The following APC2 variants were observed in gnomAD, a reference collection of about 807,000 sequenced individuals.
APC2 encodes adenomatous polyposis coli protein 2.
APC2 carries 41 observed loss-of-function variants against 72.5 expected under a neutral mutation model. The ratio of observed to expected loss-of-function variants is 0.57; its 90% CI spans 0.44 to 0.73. The LOEUF (loss-of-function observed/expected upper bound fraction) is 0.73. APC2 is among the 30% of genes least tolerant of loss of function. The pLI is 0.00. For synonymous variants in APC2, 1,898 were observed against 1,612.0 expected (o/e 1.18, Z -4.25); for missense variants, 3,729 against 3,403.4 (o/e 1.10, Z -2.38).
Position 1,456,930 on chromosome 19 carries a change from G to C in APC2, c.894G>C (p.Met298Ile). ...QEDTARTLLAMSSSPESCVAM... is the reference protein window; with the variant it reads ...QEDTARTLLAISSSPESCVAM... ...ATACAGCGCGCACGCTGCTGGCCAT[G>C]TCCAGCTCGCCCGAGAGCTGCGTGG... is the stretch of plus-strand genomic sequence containing the variant. The change falls in exon 9 of 15, where the codon ATG (methionine) becomes ATC (isoleucine). Residue 298 changes from methionine (M) to isoleucine (I), a missense_variant. Physicochemically the swap from Met to Ile is conservative, Grantham distance 10. Transcript: ENST00000590469. 2 of 1,563,646 alleles carry C rather than the reference G, an allele frequency of 1.3e-6. No homozygotes were observed. The highest frequency in any genetic ancestry group is 1.7e-6 in the Non-Finnish European group (2 of 1,162,844).
At chr19:1,447,483 G>A (rs2083698067), upstream of APC2, among the ~76,000 whole-genome samples, 1 of 152,140 alleles carries the variant, frequency 6.6e-6, no homozygotes, top group Non-Finnish European at 1.5e-5. Flanking sequence ...ACCCCAGGGA[G>A]GAGCCTAGGT....
rs1182501304 is a variant in APC2, at chr19:1,466,937, G to C, written c.3636G>C (p.Lys1212Asn). 6.3e-7 allele frequency: 1 copy of C among 1,599,402 alleles called. No individual in the cohort carries two copies. The highest frequency in any genetic ancestry group is 8.5e-7 in the Non-Finnish European group (1 of 1,173,546). Residue 1212 changes from lysine (K) to asparagine (N), a missense_variant, in exon 15 of 15, where the codon AAG becomes AAC. Transcript: ENST00000590469. ...PGQTMPPSRS[K>N]TPPLAPAPQG... ...AGACCATGCCTCCCAGCCGGAGCAA[G>C]ACGCCACCGCTGGCGCCCGCGCCAC...
Position 1,465,669 on chromosome 19 carries a change from G to A in APC2, c.2368G>A (p.Ala790Thr), listed in dbSNP as rs766566087. Residue 790 changes from alanine to threonine, a missense_variant, in exon 15 of 15, where the codon GCC becomes ACC. Ala to Thr is a moderately conservative substitution (Grantham distance 58). Transcript: ENST00000590469. Reference protein sequence around the residue: ...DDDAPSSLAAAAATGEPASPA... With the variant: ...DDDAPSSLAATAATGEPASPA... Reference sequence around the variant, plus strand: ...CGATGCACCGTCATCCCTGGCTGCGGCCGCGGCCACCGGGGAGCCAGCCAG... The same window carrying A: ...CGATGCACCGTCATCCCTGGCTGCGACCGCGGCCACCGGGGAGCCAGCCAG... 3.9e-5 allele frequency: 63 copies of A among 1,597,982 alleles called. No individual in the cohort carries two copies. The highest frequency in any genetic ancestry group is 3.3e-4 in the Middle Eastern group (2 of 6,064).
Position 1,453,706 on chromosome 19 carries a change from T to C in APC2, c.413+95T>C, listed in dbSNP as rs12985827. 0.61 allele frequency: 883,648 copies of C among 1,445,990 alleles called. 271,451 individuals carry two copies. The highest frequency in any genetic ancestry group is 0.73 in the East Asian group (29,327 of 40,202). The allele number at this position is 1,445,990 out of a possible 1,614,324, so 89.6% of individuals were successfully genotyped here. A position where few individuals can be genotyped will look rare whatever the true frequency, so the allele number is the denominator to read the frequency against. ...TAATTCGCCCACCCGCATATGTCTC[T>C]GCCCACACCTCACACGCCCCACCCA... On this transcript the variant is annotated intron_variant, in intron 4 of 14. Coordinates refer to ENST00000590469, the MANE Select transcript of APC2 (RefSeq NM_005883.3).
Position 1,467,228 on chromosome 19 carries a change from G to A in APC2, c.3927G>A (p.Gly1309=). 7.3e-7 allele frequency: 1 copy of A among 1,370,974 alleles called. No individual in the cohort carries two copies. The highest frequency in any genetic ancestry group is 2.8e-5 in the East Asian group (1 of 36,000). 84.9% of individuals were successfully genotyped at this position (1,370,974 alleles called of 1,614,324 possible). A position where few individuals can be genotyped will look rare whatever the true frequency, so the allele number is the denominator to read the frequency against. The part of the protein sequence containing the change: ...SACPERGGGA[G]GAGLHFAGHR... The stretch of plus-strand genomic sequence containing the variant: ...GCCCCGAGCGCGGCGGGGGCGCCGG[G>A]GGCGCCGGCCTCCACTTTGCAGGGC... Residue 1309 remains glycine (G), a synonymous_variant, in exon 15 of 15, where the codon GGG becomes GGA. Transcript: ENST00000590469.
At position 1,468,587 on chromosome 19, in the gene APC2, C is replaced by A. The variant is rs773276070; in HGVS notation, c.5286C>A (p.Ser1762Arg). The A allele has an allele frequency of 5.0e-6, 8 of 1,598,660 alleles. No homozygotes were observed. The East Asian group carries it at 1.6e-4, about 31-fold the overall frequency. The change falls in exon 15 of 15, where the codon AGC (serine) becomes AGA (arginine). Residue 1762 changes from serine (S) to arginine (R), a missense_variant. By Grantham distance (110) the Ser-to-Arg change is moderately radical. Coordinates refer to ENST00000590469, the MANE Select transcript of APC2 (RefSeq NM_005883.3). ...GGGGCGCAGCCTCAGTCAAGACCAG[C>A]GGGAGCCCCCGTTCCCCTGCAGGCC... Reference protein sequence around the residue: ...EKRGAASVKTSGSPRSPAGPE... With the variant: ...EKRGAASVKTRGSPRSPAGPE...
chr19:1,448,544 TAAAAAA>T (rs547873034), upstream of APC2, among the ~76,000 whole-genome samples: 3 of 82,706 alleles, frequency 3.6e-5, no homozygotes, highest in Admixed American at 1.4e-4. Flanking sequence ...AGACCCCATC[TAAAAAA>T]AAAAAAAAAA....
intron 13 of APC2, chr19:1,461,438 G>A (rs561560150): frequency 4.0e-4 from 195 of 492,016 alleles, no homozygotes; most frequent in Middle Eastern, 3.3e-3. Flanking sequence ...GCGTGGCAGC[G>A]GGCGCCTGTT....
upstream of APC2, among the ~76,000 whole-genome samples, chr19:1,446,554 G>A (rs947937982): frequency 9.9e-5 from 15 of 151,834 alleles, no homozygotes; most frequent in Admixed American, 6.5e-4. This position sits in a 1 kb window ranked among gnomAD's most constrained non-coding sequence, Gnocchi z 6.1. Context: ...CCTCTCGTGC[G>A]CCGCTGCGAC....
In APC2 at chr19:1,468,347, T is replaced by C. The variant is rs1599162434; in HGVS notation, c.5046T>C (p.Asp1682=). 1 of 1,566,264 alleles carries C rather than the reference T, an allele frequency of 6.4e-7. No homozygotes were observed. The highest frequency in any genetic ancestry group is 1.8e-5 in the Admixed American group (1 of 55,194). Residue 1682 remains aspartate (D), a synonymous_variant, in exon 15 of 15, where the codon GAT becomes GAC. Transcript: ENST00000590469. ...AAGSDRASDL[D]SVEWRAIQEG... is the part of the protein sequence containing the mutation. ...GCTCGGACCGGGCCTCCGACCTGGA[T>C]AGCGTGGAGTGGCGCGCCATCCAGG...
rs776329827 is a variant in APC2 at position 1,466,355 on chromosome 19, G to C, written c.3054G>C (p.Gly1018=). 1.3e-6 allele frequency: 2 copies of C among 1,566,866 alleles called. No individual in the cohort carries two copies. Among genetic ancestry groups the C allele is most frequent in the South Asian group, 2.3e-5 (2 of 86,974 alleles). Reference sequence around the variant, plus strand: ...GGGCGGGTGCAGAGCCCCTCGCGGGGCCTGGAATCTCTCCAGGGGCCCGGA... The same window carrying C: ...GGGCGGGTGCAGAGCCCCTCGCGGGCCCTGGAATCTCTCCAGGGGCCCGGA... ...ASRAGAEPLA[G]PGISPGARKQ... The change falls in exon 15 of 15, where the codon GGG becomes GGC. Residue 1018 remains glycine (G), a synonymous_variant. Transcript: ENST00000590469.
At chr19:1,448,864 A>G (rs867999764), upstream of APC2, among the ~76,000 whole-genome samples, 4 of 149,612 alleles carry the variant, frequency 2.7e-5, no homozygotes, top group East Asian at 8.0e-4. Flanking sequence ...AAAAGAAAAA[A>G]AAGAAAAAGA....
intron 4 of APC2, among the ~76,000 whole-genome samples, chr19:1,454,290 G>A (rs1284899380): frequency 6.6e-6 from 1 of 152,206 alleles, no homozygotes; most frequent in Non-Finnish European, 1.5e-5. Flanking sequence ...GCAAGTATGG[G>A]AGAAGTGTTA....
chr19:1,468,968 G>A lies in APC2; in HGVS notation c.5667G>A (p.Lys1889=), dbSNP rs934594474. 34 of 1,556,196 alleles carry A rather than the reference G, an allele frequency of 2.2e-5. No individual in the cohort carries two copies. In the Admixed American group the frequency reaches 3.7e-4, roughly 17 times the overall value. Residue 1889 remains lysine (K), a synonymous_variant, in exon 15 of 15, where the codon AAG becomes AAA. Transcript: ENST00000590469. ...TSPASQPLPR[K]RPPVTQAAGA... ...CCGCCTCCCAGCCCCTGCCCAGAAA[G>A]CGCCCCCCGGTCACCCAGGCTGCTG... is the stretch of plus-strand genomic sequence containing the variant.
chr19:1,454,694 G>C (rs976096478), intron 4 of APC2, among the ~76,000 whole-genome samples: 10 of 151,382 alleles, frequency 6.6e-5, no homozygotes, highest in African/African-American at 2.4e-4. Flanking sequence ...CTCCCGAGTA[G>C]CTGGGACTAC....
chr19:1,448,669 C>T (rs1318428134), upstream of APC2, among the ~76,000 whole-genome samples: 23 of 151,544 alleles, frequency 1.5e-4, no homozygotes, highest in Non-Finnish European at 5.9e-5. Context: ...CGTGAAATCC[C>T]GTCTCTACTA....
rs762949220 is a variant in APC2 at position 1,457,023 on chromosome 19, G to C, written c.987G>C (p.Gly329=). Residue 329 remains glycine (G), a synonymous_variant, in exon 9 of 15, where the codon GGG becomes GGC. Coordinates refer to ENST00000590469, the MANE Select transcript of APC2 (RefSeq NM_005883.3). ...QILHGTEAAA[G]GRAGAPGAPG... ...TCCACGGCACCGAGGCCGCGGCCGG[G>C]GGTCGCGCCGGGGCCCCAGGGGCAC... 1 of 1,527,682 alleles carries C rather than the reference G, an allele frequency of 6.5e-7. No individual in the cohort carries two copies. Among genetic ancestry groups the C allele is most frequent in the Non-Finnish European group, 8.7e-7 (1 of 1,143,740 alleles). The allele number at this position is 1,527,682 out of a possible 1,614,324, so 94.6% of individuals were successfully genotyped here.
intron 8 of APC2, 124 bp downstream of exon 8, chr19:1,456,528 A>G: frequency 9.3e-7 from 1 of 1,072,106 alleles, no homozygotes; most frequent in Non-Finnish European, 1.3e-6. Context: ...GGGTGTAGGA[A>G]GGCCCCTCTG....
chr19:1,465,625 C>T lies in APC2; in HGVS notation c.2324C>T (p.Ser775Leu). Residue 775 changes from serine (S) to leucine (L), a missense_variant, in exon 15 of 15, where the codon TCG becomes TTG. Coordinates refer to ENST00000590469, the MANE Select transcript of APC2 (RefSeq NM_005883.3). ...DGLAQDYASDSGCFDDDDAPS... is the reference protein window; with the variant it reads ...DGLAQDYASDLGCFDDDDAPS... ...CTGGCCCAAGACTATGCTTCCGATT[C>T]GGGCTGCTTTGACGACGACGATGCA... The T allele has an allele frequency of 6.2e-7, 1 of 1,602,592 alleles. No homozygotes were observed. The highest frequency in any genetic ancestry group is 8.5e-7 in the Non-Finnish European group (1 of 1,175,566).
Sources: allele counts gnomAD v4.1 joint callset (sites outside exome capture counted in the v4.1 genomes callset), GRCh38; gene constraint gnomAD v4.1.1; non-coding constraint Gnocchi (gnomAD v3.1); transcripts MANE v1.5; gene names NCBI Gene and HGNC (gene_info 2026-07-23, HGNC 2026-07-21).